Variants in GIGYF2 observed in about 807,000 individuals in gnomAD.
The protein encoded by GIGYF2 is GRB10-interacting GYF protein 2.
A neutral mutation model predicts 208.1 loss-of-function variants in GIGYF2; 25 were observed. That is an observed-to-expected ratio of 0.12 (90% CI 0.09 to 0.17). The LOEUF is 0.17. Among genes scored for constraint, GIGYF2 ranks in the 10% least tolerant of loss-of-function variants. The pLI, the probability that GIGYF2 is intolerant of heterozygous loss-of-function variation, is 1.00. For missense variants in GIGYF2, 1,302 were observed against 1,579.4 expected (o/e 0.82, Z 2.98); for synonymous variants, 534 against 543.8 (o/e 0.98, Z 0.25).
At chr2:232,836,301 T>C (rs1234563411) in intron 22 of GIGYF2, among the ~76,000 whole-genome samples, 304 of 16,670 alleles carry the variant, frequency 0.018, 18 homozygotes, top group Non-Finnish European at 0.024. Flanking sequence ...TATATATATA[T>C]ATATATATAT....
chr2:232,781,695 C>G (rs759653552), intron 8 of GIGYF2, among the ~76,000 whole-genome samples: 6 of 152,126 alleles, frequency 3.9e-5, no homozygotes, highest in South Asian at 2.1e-4. Flanking sequence ...GTCTACCACC[C>G]TTTTAGCTTG....
Position 232,811,125 on chromosome 2 carries a change from A to AT in GIGYF2, c.1899-118dup, listed in dbSNP as rs1221909998. On this transcript the variant is annotated intron_variant, in intron 16 of 28. Coordinates refer to ENST00000373563, the MANE Select transcript of GIGYF2 (RefSeq NM_001103146.3). Reference sequence around the variant, plus strand: ...AATGAAGAATTATAAAATATATTTGATAGCTATTTCTAATAATGTCTCCTG... The same window carrying AT: ...AATGAAGAATTATAAAATATATTTGATTAGCTATTTCTAATAATGTCTCCTG... 11 of 672,970 alleles carry AT rather than the reference A, an allele frequency of 1.6e-5. 1 individual carries two copies. The highest frequency in any genetic ancestry group is 4.8e-5 in the South Asian group (3 of 62,778). 41.7% of individuals were successfully genotyped at this position (672,970 alleles called of 1,614,324 possible).
intron 8 of GIGYF2, among the ~76,000 whole-genome samples, chr2:232,774,896 T>C (rs527642376): frequency 6.6e-6 from 1 of 152,320 alleles, no homozygotes; most frequent in South Asian, 2.1e-4. Flanking sequence ...AAATTCATCA[T>C]TCTCATTTGG....
rs1447236324 is a variant in GIGYF2, at chr2:232,850,555, GT to G, written c.3832+147del. The G allele has an allele frequency of 6.0e-6, 5 of 830,278 alleles. No individual in the cohort carries two copies. The African/African-American group carries it at 8.4e-5, about 14-fold the overall frequency. The allele number at this position is 830,278 out of a possible 1,614,324, so 51.4% of individuals were successfully genotyped here. On this transcript the variant is annotated intron_variant, in intron 28 of 28. Coordinates refer to ENST00000373563, the MANE Select transcript of GIGYF2 (RefSeq NM_001103146.3). Reference sequence around the variant, plus strand: ...TAATGTTTTAACTGGTTCAAAATAAGTAGCCAGTATTTACTGGGCGTCTCAG... The same window carrying G: ...TAATGTTTTAACTGGTTCAAAATAAGAGCCAGTATTTACTGGGCGTCTCAG...
chr2:232,711,705 G>GTGTATATATATATATA (rs147184549), intron 2 of GIGYF2, among the ~76,000 whole-genome samples: 4 of 115,762 alleles, frequency 3.5e-5, no homozygotes, highest in South Asian at 4.1e-4. Context: ...TCACAATGAT[G>GTGTATATATATATATA]TATATATATA....
chr2:232,811,667 C>T (rs1277933870), intron 17 of GIGYF2, among the ~76,000 whole-genome samples: 1 of 152,096 alleles, frequency 6.6e-6, no homozygotes, highest in East Asian at 1.9e-4. Flanking sequence ...TTCACTTTTA[C>T]TCATAGTATC....
intron 20 of GIGYF2, among the ~76,000 whole-genome samples, chr2:232,818,245 C>G (rs1700972608): frequency 6.6e-6 from 1 of 152,190 alleles, no homozygotes; most frequent in South Asian, 2.1e-4. Flanking sequence ...CCTTAATGAA[C>G]CTTTTCTCTC....
chr2:232,702,154 A>C (rs1381288789), intron 1 of GIGYF2, among the ~76,000 whole-genome samples: 1 of 152,068 alleles, frequency 6.6e-6, no homozygotes, highest in Non-Finnish European at 1.5e-5. Context: ...TTTGAAAATA[A>C]CTGGCCGGGT....
intron 19 of GIGYF2, 96 bp downstream of exon 19, chr2:232,815,833 A>C: frequency 1.4e-6 from 1 of 734,508 alleles, no homozygotes; most frequent in African/African-American, 1.7e-5. Flanking sequence ...TATGCTTTTT[A>C]CTTTCAGTTT....
chr2:232,851,856 T>C (rs79489545), intron 28 of GIGYF2, among the ~76,000 whole-genome samples: 6,802 of 152,308 alleles, frequency 0.045, 193 homozygotes, highest in Non-Finnish European at 0.066. Flanking sequence ...GGCTGCAGTA[T>C]AGACTAGGTA....
intron 4 of GIGYF2, among the ~76,000 whole-genome samples, chr2:232,748,483 C>T (rs1448989279): frequency 6.6e-6 from 1 of 152,184 alleles, no homozygotes; most frequent in Non-Finnish European, 1.5e-5. Flanking sequence ...TGGGATTTCA[C>T]CATGTTGGCC....
At chr2:232,815,539 T>G in intron 18 of GIGYF2, 98 bp from the exon 19 acceptor site, 1 of 743,112 alleles carries the variant, frequency 1.3e-6, no homozygotes, top group Non-Finnish European at 2.5e-6. Context: ...TGGAGCTCAT[T>G]TAGGCACAGG....
In GIGYF2 at chr2:232,793,575, C is replaced by G. The variant is rs7560044; in HGVS notation, c.1283-1173C>G. ...TTGAACACTGGTTCTGAGGTGTTGA[C>G]GAGAAGAAGTTAAGTGGAGATGGCG... On this transcript the variant is annotated intron_variant, in intron 12 of 28. Coordinates refer to ENST00000373563, the MANE Select transcript of GIGYF2 (RefSeq NM_001103146.3). Among the ~76,000 whole-genome samples, 1,363 of 152,046 alleles carry G rather than the reference C, an allele frequency of 9.0e-3. 30 individuals are homozygous for G. The highest frequency in any genetic ancestry group is 0.031 in the African/African-American group (1,305 of 41,432).
Position 232,845,803 on chromosome 2 carries a change from A to G in GIGYF2, c.3377A>G (p.Gln1126Arg), listed in dbSNP as rs1036099398. ...GAAGAAAAGTTGCTGAAGCTCTTTC[A>G]GGGAGTAAATAAAGCCCAAGATGGA... ...EEEEKLLKLF[Q>R]GVNKAQDGFT... Residue 1126 changes from glutamine to arginine, a missense_variant, in exon 26 of 29, where the codon CAG (glutamine) becomes CGG (arginine). Gln to Arg is a conservative substitution (Grantham distance 43). Coordinates refer to ENST00000373563, the MANE Select transcript of GIGYF2 (RefSeq NM_001103146.3). The G allele has an allele frequency of 5.0e-6, 8 of 1,613,294 alleles. No homozygotes were observed. Among genetic ancestry groups the G allele is most frequent in the Non-Finnish European group, 5.9e-6 (7 of 1,179,284 alleles).
At chr2:232,811,131 A>G (rs1700721634) in intron 16 of GIGYF2, 113 bp from the exon 17 acceptor site, 1 of 682,636 alleles carries the variant, frequency 1.5e-6, no homozygotes, top group Admixed American at 2.2e-5. Context: ...TTTGATAGCT[A>G]TTTCTAATAA....
At chr2:232,768,363 G>A (rs1183967062) in intron 8 of GIGYF2, 1 of 1,614,028 alleles carries the variant, frequency 6.2e-7, no homozygotes, top group Non-Finnish European at 8.5e-7. Context: ...GGAACCTCGG[G>A]TCAACAGAGA....
chr2:232,836,279 T>G (rs1343032286), intron 22 of GIGYF2, among the ~76,000 whole-genome samples: 1 of 6,250 alleles, frequency 1.6e-4, no homozygotes, highest in East Asian at 8.1e-4. Context: ...TATATATATA[T>G]ATATATATAT....
intron 2 of GIGYF2, among the ~76,000 whole-genome samples, chr2:232,732,398 C>A (rs578058733): frequency 1.3e-5 from 2 of 152,152 alleles, no homozygotes; most frequent in Admixed American, 1.3e-4. Context: ...TTCACTAATA[C>A]TCCATGGCTG....
At chr2:232,714,423 TA>T (rs1696578643) in intron 2 of GIGYF2, among the ~76,000 whole-genome samples, 1 of 152,272 alleles carries the variant, frequency 6.6e-6, no homozygotes, top group African/African-American at 2.4e-5. Context: ...TAATTTAACA[TA>T]AAAAATATTA....
Sources: gnomAD v4.1 joint callset for allele counts (sites outside exome capture counted in the v4.1 genomes callset) on GRCh38, gnomAD v4.1.1 for gene constraint, MANE v1.5 for transcripts, NCBI Gene and HGNC (gene_info 2026-07-23, HGNC 2026-07-21) for gene names.